RUNDC3B: variants seen among roughly 807,000 people sequenced by gnomAD.
RUNDC3B encodes the protein RUN domain-containing protein 3B.
A neutral mutation model predicts 58.4 loss-of-function variants in RUNDC3B; 33 were observed. That is an observed-to-expected ratio of 0.56 (90% confidence interval 0.43 to 0.75). RUNDC3B has a LOEUF of 0.75. RUNDC3B is among the 30% of genes least tolerant of loss of function. RUNDC3B has a pLI of 0.00. For synonymous variants in RUNDC3B, 193 were observed against 195.2 expected (o/e 0.99, Z 0.10); for missense variants, 501 against 535.7 (o/e 0.94, Z 0.64).
chr7:87,702,691 G>A (rs2130705072), intron 3 of RUNDC3B, among the ~76,000 whole-genome samples: 1 of 152,186 alleles, frequency 6.6e-6, no homozygotes, highest in East Asian at 1.9e-4. Context: ...TAATTTTTAG[G>A]ATTATAAAAT....
At chr7:87,753,137 T>TA (rs1351304837) in intron 6 of RUNDC3B, among the ~76,000 whole-genome samples, 2 of 151,816 alleles carry the variant, frequency 1.3e-5, no homozygotes, top group African/African-American at 4.8e-5. Context: ...ATGTACCCAG[T>TA]AGTCATTCAG....
intron 3 of RUNDC3B, among the ~76,000 whole-genome samples, chr7:87,707,797 G>C (rs1404623651): frequency 1.3e-5 from 2 of 152,138 alleles, no homozygotes; most frequent in Admixed American, 1.3e-4. Context: ...TTATCTCAGT[G>C]AATTGCAGAG....
chr7:87,756,007 G>A (rs1833349073), intron 6 of RUNDC3B, among the ~76,000 whole-genome samples: 1 of 152,124 alleles, frequency 6.6e-6, no homozygotes, highest in South Asian at 2.1e-4. Context: ...AGTGAGATAG[G>A]AGACTTATTT....
chr7:87,694,919 C>T (rs1828370055), intron 2 of RUNDC3B, among the ~76,000 whole-genome samples: 1 of 152,116 alleles, frequency 6.6e-6, no homozygotes, highest in African/African-American at 2.4e-5. Flanking sequence ...GGCATAGACA[C>T]ATACTTTAGA....
chr7:87,823,064 AG>A (rs1428910383), intron 10 of RUNDC3B, among the ~76,000 whole-genome samples: 1 of 152,102 alleles, frequency 6.6e-6, no homozygotes, highest in East Asian at 1.9e-4. Context: ...TTAAAAAAAA[AG>A]ATCACATGTG....
chr7:87,685,371 T>C lies in RUNDC3B; in HGVS notation c.239-15050T>C, dbSNP rs567559528. Among the ~76,000 whole-genome samples the C allele has an allele frequency of 4.3e-4, 66 of 152,252 alleles. 1 individual carries two copies. The highest frequency in any genetic ancestry group is 1.5e-3 in the African/African-American group (64 of 41,544). On this transcript the variant is annotated intron_variant, in intron 2 of 10. Coordinates refer to ENST00000394654, the MANE Select transcript of RUNDC3B (RefSeq NM_001134405.2). ...TCATTAGTAATTAGGAAAATGCAAA[T>C]TCAAACCATATTAGGTAGCACTACA...
chr7:87,676,612 G>A lies in RUNDC3B; in HGVS notation c.239-23809G>A, dbSNP rs572592448. Among the ~76,000 whole-genome samples the A allele has an allele frequency of 4.7e-5, 7 of 147,906 alleles. No individual in the cohort carries two copies. In the South Asian group the frequency reaches 1.5e-3, roughly 32 times the overall value. On this transcript the variant is annotated intron_variant, in intron 2 of 10. Coordinates refer to ENST00000394654, the MANE Select transcript of RUNDC3B (RefSeq NM_001134405.2). ...CCAGCTACTCAGGAGGCTGAGGCCC[G>A]AGAATTGCTTGAACCTAGGAGGCAG...
intron 2 of RUNDC3B, among the ~76,000 whole-genome samples, chr7:87,694,748 C>T (rs1434722442): frequency 6.6e-6 from 1 of 151,984 alleles, no homozygotes; most frequent in African/African-American, 2.4e-5. Context: ...GTTAATAATG[C>T]TGGTGGAAGG....
intron 8 of RUNDC3B, among the ~76,000 whole-genome samples, chr7:87,782,379 C>A (rs1448163189): frequency 1.1e-4 from 17 of 151,988 alleles, no homozygotes; most frequent in Non-Finnish European, 2.2e-4. Flanking sequence ...TTGATAATAG[C>A]TAACAGTCTG....
At chr7:87,680,962 T>C (rs1826871646) in intron 2 of RUNDC3B, among the ~76,000 whole-genome samples, 1 of 150,400 alleles carries the variant, frequency 6.6e-6, no homozygotes, top group South Asian at 2.1e-4. Flanking sequence ...AAATCATTAA[T>C]AAAATTCATA....
intron 2 of RUNDC3B, among the ~76,000 whole-genome samples, chr7:87,690,704 CG>C (rs1827932589): frequency 6.6e-6 from 1 of 152,046 alleles, no homozygotes; most frequent in East Asian, 1.9e-4. Context: ...ATAAGCAACT[CG>C]CCTTAACAGT....
At chr7:87,816,735 A>T (rs570369242) in intron 10 of RUNDC3B, among the ~76,000 whole-genome samples, 14 of 152,260 alleles carry the variant, frequency 9.2e-5, no homozygotes, top group African/African-American at 3.4e-4. Context: ...ATTTTTTCCT[A>T]TTACTGCTTT....
chr7:87,760,945 A>C (rs552393117), intron 6 of RUNDC3B, among the ~76,000 whole-genome samples: 2 of 152,152 alleles, frequency 1.3e-5, no homozygotes, highest in African/African-American at 4.8e-5. Flanking sequence ...ATGACACCAA[A>C]AATGTAAATA....
In RUNDC3B at chr7:87,770,038, C is replaced by G. The variant is rs141623676; in HGVS notation, c.630-543C>G. Among the ~76,000 whole-genome samples, 724 of 151,916 alleles carry G rather than the reference C, an allele frequency of 4.8e-3. 3 individuals carry two copies. Among genetic ancestry groups the G allele is most frequent in the African/African-American group, 0.017 (685 of 41,416 alleles). ...TCTCTCTGCTCTACCTCTGCTTGTC[C>G]TTGTTCCCCTCAGTAGGAAATGCTT... On this transcript the variant is annotated intron_variant, in intron 6 of 10. Transcript: ENST00000394654.
At chr7:87,733,235 C>T (rs893110556) in intron 4 of RUNDC3B, among the ~76,000 whole-genome samples, 7 of 152,168 alleles carry the variant, frequency 4.6e-5, no homozygotes, top group Admixed American at 4.6e-4. Context: ...TGATGTGAAA[C>T]CTCCCTGACT....
At chr7:87,648,458 A>T (rs1343701626) in intron 1 of RUNDC3B, among the ~76,000 whole-genome samples, 2 of 152,058 alleles carry the variant, frequency 1.3e-5, no homozygotes, top group Admixed American at 6.6e-5. Context: ...TCTCAGAGGT[A>T]TTTCACAGCA....
intron 2 of RUNDC3B, among the ~76,000 whole-genome samples, chr7:87,651,518 A>G (rs978624995): frequency 6.6e-5 from 10 of 152,268 alleles, no homozygotes; most frequent in African/African-American, 2.2e-4. Context: ...AAATTCAAGA[A>G]GTATTATATA....
chr7:87,723,849 T>G (rs1189172626), intron 4 of RUNDC3B, among the ~76,000 whole-genome samples: 3 of 152,120 alleles, frequency 2.0e-5, no homozygotes, highest in Non-Finnish European at 4.4e-5. Flanking sequence ...AAAGTGAAAT[T>G]GGAATATAGG....
intron 1 of RUNDC3B, 85 bp downstream of exon 1, chr7:87,629,030 G>A (rs1820915605): frequency 8.3e-7 from 1 of 1,207,756 alleles, no homozygotes; most frequent in Non-Finnish European, 1.1e-6. Context: ...GGGGTCCCGG[G>A]CATGATGGGC....
Sources: gnomAD v4.1 joint callset for allele counts (sites outside exome capture counted in the v4.1 genomes callset) on GRCh38, gnomAD v4.1.1 for gene constraint, MANE v1.5 for transcripts, NCBI Gene and HGNC (gene_info 2026-07-23, HGNC 2026-07-21) for gene names.